Variants in POLA1 observed in about 807,000 individuals in gnomAD.
POLA1 encodes DNA polymerase alpha 1, catalytic subunit, also known as DNA polymerase alpha catalytic subunit.
POLA1 carries 15 observed loss-of-function variants against 124.0 expected under a neutral mutation model. That is an observed-to-expected ratio of 0.12 (90% CI 0.08 to 0.19). POLA1 has a LOEUF of 0.19. POLA1 is among the 10% of genes least tolerant of loss of function. The probability of loss-of-function intolerance (pLI) is 1.00; values close to 1 mark genes in which losing one functional copy is unlikely to be tolerated. For missense variants in POLA1, 886 were observed against 1,103.4 expected, an observed-to-expected ratio of 0.80 and a Z score of 2.79; for synonymous variants, 408 against 389.4, an observed-to-expected ratio of 1.05 and a Z score of -0.56.
At chrX:24,811,275 TTTTG>T (rs990295790) in intron 28 of POLA1, among the ~76,000 whole-genome samples, 2 of 103,658 alleles carry the variant, frequency 1.9e-5, no homozygotes, top group Admixed American at 2.1e-4. Flanking sequence ...TCTTGTTTTG[TTTTG>T]TTTGTTTGTT....
intron 36 of POLA1, among the ~76,000 whole-genome samples, chrX:24,984,419 G>T (rs910166862): frequency 7.2e-5 from 8 of 111,629 alleles, no homozygotes; most frequent in African/African-American, 2.3e-4. Flanking sequence ...CATCTAAGAA[G>T]AGCCAAGGAA....
At chrX:24,814,516 TCTA>T (rs1224826531) in intron 29 of POLA1, among the ~76,000 whole-genome samples, 2 of 112,061 alleles carry the variant, frequency 1.8e-5, no homozygotes, top group African/African-American at 6.5e-5. Context: ...ACTTCATATT[TCTA>T]CTCATCTAGC....
intron 34 of POLA1, among the ~76,000 whole-genome samples, chrX:24,873,765 T>C (rs772211166): frequency 3.7e-4 from 41 of 112,242 alleles, no homozygotes; most frequent in African/African-American, 1.3e-3. Context: ...CTGGGCAATA[T>C]AGTGAAACCC....
At chrX:24,727,972 T>C in intron 15 of POLA1, 36 bp downstream of exon 15, 1 of 1,121,349 alleles carries the variant, frequency 8.9e-7, no homozygotes, top group Non-Finnish European at 1.2e-6. Context: ...ACCCATGCCT[T>C]AGATGTGTTA....
At chrX:24,982,977 T>C (rs185172171) in intron 36 of POLA1, among the ~76,000 whole-genome samples, 34 of 112,529 alleles carry the variant, frequency 3.0e-4, no homozygotes, top group African/African-American at 9.3e-4. Context: ...CTATAATCTG[T>C]GCTCAAAATA....
chrX:24,859,358 G>A (rs1023090017), intron 34 of POLA1, among the ~76,000 whole-genome samples: 3 of 111,346 alleles, frequency 2.7e-5, no homozygotes, highest in African/African-American at 9.8e-5. Context: ...CCATCTGCCT[G>A]CCGCACTGGA....
At chrX:24,793,759 AT>A (rs1435984616) in intron 26 of POLA1, among the ~76,000 whole-genome samples, 3 of 109,186 alleles carry the variant, frequency 2.7e-5, no homozygotes, top group Non-Finnish European at 3.8e-5. Context: ...TAATTTTTGT[AT>A]TTTTAGTAGA....
intron 35 of POLA1, among the ~76,000 whole-genome samples, chrX:24,899,574 C>G (rs938817726): frequency 3.6e-5 from 4 of 111,716 alleles, no homozygotes; most frequent in Non-Finnish European, 7.5e-5. Context: ...AAATAGATGT[C>G]ACTCCCAAAC....
chrX:24,821,464 G>A lies in POLA1; in HGVS notation c.3442G>A (p.Asp1148Asn). The change falls in exon 31 of 37, where the codon GAT becomes AAT. Residue 1148 changes from aspartate to asparagine, a missense_variant. By Grantham distance (23) the Asp-to-Asn change is conservative (BLOSUM62 1). Transcript: ENST00000379068. ...QFEINKALTK[D>N]PQDYPDKKSL... ...TTCCCTCTTTTAGGCATTGACAAAG[G>A]ATCCCCAGGATTACCCTGATAAAAA... 1 of 1,201,744 alleles carries A rather than the reference G, an allele frequency of 8.3e-7. No homozygotes were observed. Among genetic ancestry groups the A allele is most frequent in the Non-Finnish European group, 1.1e-6 (1 of 890,167 alleles).
chrX:24,960,683 ATAAACT>A (rs2048158836), intron 36 of POLA1, among the ~76,000 whole-genome samples: 1 of 111,808 alleles, frequency 8.9e-6, no homozygotes, highest in Non-Finnish European at 1.9e-5. Context: ...GAAATACTAA[ATAAACT>A]TAAAACAGCT....
At chrX:24,857,023 T>C (rs2046654097) in intron 34 of POLA1, among the ~76,000 whole-genome samples, 1 of 111,867 alleles carries the variant, frequency 8.9e-6, no homozygotes, top group African/African-American at 3.2e-5. Flanking sequence ...AATATTTTTC[T>C]TTTATTGATT....
intron 26 of POLA1, among the ~76,000 whole-genome samples, chrX:24,751,619 T>A: frequency 8.9e-6 from 1 of 111,970 alleles, no homozygotes; most frequent in Admixed American, 9.5e-5. Flanking sequence ...TTACGCAGTT[T>A]CTCCCAGGAA....
At chrX:24,852,331 A>G (rs1379289351) in intron 34 of POLA1, among the ~76,000 whole-genome samples, 1 of 108,314 alleles carries the variant, frequency 9.2e-6, no homozygotes, top group African/African-American at 3.4e-5. Flanking sequence ...TTTCTTTGAG[A>G]CAGAGTTTCG....
At chrX:24,805,780 C>T (rs931111749) in intron 26 of POLA1, among the ~76,000 whole-genome samples, 1 of 111,173 alleles carries the variant, frequency 9.0e-6, no homozygotes, top group East Asian at 2.8e-4. Flanking sequence ...CTGCAGACTG[C>T]CTTATTAATG....
chrX:24,912,041 G>A (rs2047456094), intron 35 of POLA1, among the ~76,000 whole-genome samples: 1 of 112,309 alleles, frequency 8.9e-6, no homozygotes, highest in Non-Finnish European at 1.9e-5. Context: ...TAATAGACAC[G>A]TAGACCAATG....
In POLA1 at chrX:24,739,452, G is replaced by C; in HGVS notation, c.2118G>C (p.Leu706Phe). The C allele has an allele frequency of 3.3e-6, 4 of 1,194,086 alleles. No homozygotes were observed. Among genetic ancestry groups the C allele is most frequent in the Non-Finnish European group, 4.5e-6 (4 of 880,641 alleles). Residue 706 changes from leucine to phenylalanine, a missense_variant, in exon 20 of 37, where the codon TTG becomes TTC. Transcript: ENST00000379068. ...ICDVEISAKE[L>F]IRCKSYHLSE... The stretch of plus-strand genomic sequence containing the variant: ...ATGTGGAAATTTCAGCAAAGGAATT[G>C]ATTCGTTGTAAAAGCTACCATCTGT...
At chrX:24,858,923 G>C (rs1198658635) in intron 34 of POLA1, among the ~76,000 whole-genome samples, 2 of 111,736 alleles carry the variant, frequency 1.8e-5, no homozygotes, top group African/African-American at 6.5e-5. Context: ...GTACCTTGCA[G>C]TTTTCAAAGC....
At chrX:24,703,063 A>G (rs1928564260) in intron 2 of POLA1, among the ~76,000 whole-genome samples, 188 bp from the exon 3 acceptor site, 1 of 112,286 alleles carries the variant, frequency 8.9e-6, no homozygotes, top group Non-Finnish European at 1.9e-5. Flanking sequence ...TAAAAGGAAT[A>G]CTAAGTTAAT....
chrX:24,977,781 T>C (rs1157818953), intron 36 of POLA1, among the ~76,000 whole-genome samples: 1 of 112,157 alleles, frequency 8.9e-6, no homozygotes, highest in Non-Finnish European at 1.9e-5. Context: ...AGATCCAGTC[T>C]CCTCCCTGAA....
Sources: allele counts gnomAD v4.1 joint callset (sites outside exome capture counted in the v4.1 genomes callset), GRCh38; gene constraint gnomAD v4.1.1; transcripts MANE v1.5; gene names NCBI Gene and HGNC (gene_info 2026-07-23, HGNC 2026-07-21).